Variants in STRADB observed in about 807,000 individuals in gnomAD.
STRADB encodes the protein STE20 related adaptor beta.
STRADB carries 34 observed loss-of-function variants against 52.1 expected under a neutral mutation model. The observed-to-expected ratio is 0.65, with a 90% confidence interval of 0.50 to 0.87. The LOEUF is 0.87. Among genes scored for constraint, STRADB ranks in the 40% least tolerant of loss-of-function variants. The pLI, the probability that STRADB is intolerant of heterozygous loss-of-function variation, is 0.00. For missense variants in STRADB, 340 were observed against 483.9 expected, an observed-to-expected ratio of 0.70 and a Z score of 2.79; for synonymous variants, 133 against 174.5, an observed-to-expected ratio of 0.76 and a Z score of 1.87.
chr2:201,468,085 CTTTTTTTTT>C (rs536551120), intron 3 of STRADB, among the ~76,000 whole-genome samples: 1 of 71,036 alleles, frequency 1.4e-5, no homozygotes, highest in Admixed American at 1.6e-4. Context: ...TTTTTTTTTT[CTTTTTTTTT>C]TTTTTTTTTT....
chr2:201,454,818 T>C lies in STRADB; in HGVS notation c.-23T>C. 2 of 1,602,646 alleles carry C rather than the reference T, an allele frequency of 1.2e-6. No individual in the cohort carries two copies. Among genetic ancestry groups the C allele is most frequent in the East Asian group, 4.5e-5 (2 of 44,608 alleles). On this transcript the variant is annotated 5_prime_UTR_variant, in exon 2 of 12. Coordinates refer to ENST00000194530, the MANE Select transcript of STRADB (RefSeq NM_018571.6). Reference sequence around the variant, plus strand: ...TGGAATAGATGGATTTTTGTCACTTTCTGTGTGAACTAAAGTGATTCAATG... The same window carrying C: ...TGGAATAGATGGATTTTTGTCACTTCCTGTGTGAACTAAAGTGATTCAATG...
chr2:201,475,350 A>T (rs56258603), intron 6 of STRADB, among the ~76,000 whole-genome samples: 14,218 of 151,240 alleles, frequency 0.094, 919 homozygotes, highest in East Asian at 0.32. Flanking sequence ...AAGAAAAAAA[A>T]AAATATATAT....
chr2:201,471,823 G>A (rs1256685788), intron 4 of STRADB, among the ~76,000 whole-genome samples: 1 of 152,160 alleles, frequency 6.6e-6, no homozygotes, highest in East Asian at 1.9e-4. Context: ...CAAGGCAGAG[G>A]CATTTTGCAG....
chr2:201,457,418 C>T (rs1156343794), intron 2 of STRADB: 1 of 152,156 alleles, frequency 6.6e-6, no homozygotes, highest in Non-Finnish European at 1.5e-5. Context: ...AGTTGTACAG[C>T]TATCTTGACA....
At chr2:201,459,066 T>G (rs540504766) in intron 3 of STRADB, among the ~76,000 whole-genome samples, 46 of 152,320 alleles carry the variant, frequency 3.0e-4, no homozygotes, top group African/African-American at 1.1e-3. Context: ...CCTACTTCTC[T>G]TCTATTTCTT....
At chr2:201,454,633 C>T in intron 1 of STRADB, 113 bp from the exon 2 acceptor site, 1 of 415,880 alleles carries the variant, frequency 2.4e-6, no homozygotes, top group Non-Finnish European at 4.3e-6. Flanking sequence ...GAGTAGCTGC[C>T]TAAATATTGG....
intron 5 of STRADB, among the ~76,000 whole-genome samples, chr2:201,473,700 A>C (rs758202632): frequency 2.0e-5 from 3 of 152,156 alleles, no homozygotes; most frequent in Non-Finnish European, 4.4e-5. Flanking sequence ...GTCCCATCCT[A>C]AATAGTCACA....
At chr2:201,459,626 G>A (rs914085244) in intron 3 of STRADB, among the ~76,000 whole-genome samples, 1 of 152,140 alleles carries the variant, frequency 6.6e-6, no homozygotes, top group African/African-American at 2.4e-5. Flanking sequence ...GGCTCTTGCA[G>A]GTGGACTCCT....
intron 3 of STRADB, among the ~76,000 whole-genome samples, chr2:201,468,032 G>A (rs1952329709): frequency 1.4e-5 from 2 of 147,166 alleles, no homozygotes; most frequent in African/African-American, 5.0e-5. Context: ...TTACTGATCT[G>A]GGCCCAGTTT....
At chr2:201,470,153 G>A (rs1952367381) in intron 4 of STRADB, 101 bp downstream of exon 4, 1 of 817,448 alleles carries the variant, frequency 1.2e-6, no homozygotes, top group Admixed American at 2.2e-5. Flanking sequence ...GTTACCTCCA[G>A]CATAAAACTA....
intron 1 of STRADB, 134 bp from the exon 2 acceptor site, chr2:201,454,612 C>T: frequency 5.1e-6 from 2 of 394,872 alleles, no homozygotes; most frequent in East Asian, 7.3e-5. Context: ...GGAATGTCTC[C>T]TTGTGTCAAG....
chr2:201,477,160 G>A (rs1952490967), intron 7 of STRADB, among the ~76,000 whole-genome samples: 1 of 143,566 alleles, frequency 7.0e-6, no homozygotes, highest in Non-Finnish European at 1.5e-5. Flanking sequence ...CACCTCCTGG[G>A]TTCATGCCAT....
At chr2:201,457,264 A>C (rs1952141866) in intron 2 of STRADB, 1 of 152,248 alleles carries the variant, frequency 6.6e-6, no homozygotes, top group South Asian at 2.1e-4. Flanking sequence ...TTGTAAAAAT[A>C]TATAAATACC....
chr2:201,474,176 C>T (rs191277700), intron 5 of STRADB, among the ~76,000 whole-genome samples: 1 of 152,288 alleles, frequency 6.6e-6, no homozygotes, highest in East Asian at 1.9e-4. Flanking sequence ...AGGCGTGAGC[C>T]ACCGTGCCCG....
At chr2:201,452,686 A>G (rs941698505) in intron 1 of STRADB, among the ~76,000 whole-genome samples, 3 of 152,212 alleles carry the variant, frequency 2.0e-5, no homozygotes, top group African/African-American at 7.2e-5. Flanking sequence ...TTAAAGCTCA[A>G]CAAAGAGTTA....
Position 201,467,278 on chromosome 2 carries a change from A to G in STRADB, c.94-2675A>G, listed in dbSNP as rs538671099. ...TCAAAGTACTTGAAATTCATATCAC[A>G]GTACTTCCTTTCGCTGCAAGCAGAC... On this transcript the variant is annotated intron_variant, in intron 3 of 11. Coordinates refer to ENST00000194530, the MANE Select transcript of STRADB (RefSeq NM_018571.6). Among the ~76,000 whole-genome samples the G allele has an allele frequency of 2.6e-5, 4 of 152,352 alleles. No homozygotes were observed. In the South Asian group the frequency reaches 8.3e-4, roughly 32 times the overall value.
Position 201,461,873 on chromosome 2 carries a change from G to C in STRADB, c.93+3009G>C, listed in dbSNP as rs531892494. Reference sequence around the variant, plus strand: ...TTATTTTTTAATATAGCAAGAGATAGGGGTCTACTTTCATTCTTCTGCATA... The same window carrying C: ...TTATTTTTTAATATAGCAAGAGATACGGGTCTACTTTCATTCTTCTGCATA... On this transcript the variant is annotated intron_variant, in intron 3 of 11. Transcript: ENST00000194530. Among the ~76,000 whole-genome samples the C allele has an allele frequency of 2.3e-4, 35 of 152,250 alleles. No homozygotes were observed. In the East Asian group the frequency reaches 6.0e-3, roughly 26 times the overall value.
At chr2:201,468,579 C>T (rs748762590) in intron 3 of STRADB, among the ~76,000 whole-genome samples, 2 of 152,192 alleles carry the variant, frequency 1.3e-5, no homozygotes, top group African/African-American at 2.4e-5. Context: ...GCTTTGAATA[C>T]TTATTTACAA....
At chr2:201,478,236 T>C (rs1365804188) in intron 9 of STRADB, 45 bp downstream of exon 9, 1 of 1,595,516 alleles carries the variant, frequency 6.3e-7, no homozygotes, top group Non-Finnish European at 8.6e-7. Context: ...TTCATAAGAC[T>C]GCTTACATTC....
Sources: allele counts gnomAD v4.1 joint callset (sites outside exome capture counted in the v4.1 genomes callset), GRCh38; gene constraint gnomAD v4.1.1; transcripts MANE v1.5; gene names NCBI Gene and HGNC (gene_info 2026-07-23, HGNC 2026-07-21).